Variants in PCSK2 observed in about 807,000 individuals in gnomAD.
PCSK2 encodes neuroendocrine convertase 2.
A neutral mutation model predicts 69.7 loss-of-function variants in PCSK2; 14 were observed. The ratio of observed to expected loss-of-function variants is 0.20; its 90% CI spans 0.13 to 0.31. PCSK2 has a LOEUF of 0.31. PCSK2 is among the 10% of genes least tolerant of loss of function. The probability of loss-of-function intolerance (pLI) is 1.00; values close to 1 mark genes in which losing one functional copy is unlikely to be tolerated. For missense variants in PCSK2, 544 were observed against 842.5 expected (o/e 0.65, Z 4.39); for synonymous variants, 307 against 320.7 (o/e 0.96, Z 0.46).
chr20:17,425,795 T>C (rs868701878), intron 6 of PCSK2, among the ~76,000 whole-genome samples: 1 of 152,134 alleles, frequency 6.6e-6, no homozygotes, highest in Non-Finnish European at 1.5e-5. Flanking sequence ...TCCTGGGCTT[T>C]TTTGCATCAA....
At chr20:17,229,036 C>G (rs988014329) in intron 1 of PCSK2, among the ~76,000 whole-genome samples, 1 of 152,092 alleles carries the variant, frequency 6.6e-6, no homozygotes, top group Non-Finnish European at 1.5e-5. Flanking sequence ...CACTCCCCCC[C>G]ACCCCAAACT....
chr20:17,392,028 C>G (rs2031394898), intron 5 of PCSK2, among the ~76,000 whole-genome samples: 1 of 151,984 alleles, frequency 6.6e-6, no homozygotes, highest in South Asian at 2.1e-4. Flanking sequence ...GAGAAGCCAT[C>G]CTGTCAAGGA....
intron 5 of PCSK2, among the ~76,000 whole-genome samples, chr20:17,401,556 G>A (rs2031637920): frequency 1.3e-5 from 2 of 152,180 alleles, no homozygotes; most frequent in Non-Finnish European, 2.9e-5. Flanking sequence ...CCAACATTCA[G>A]ACTATGGCAC....
intron 1 of PCSK2, among the ~76,000 whole-genome samples, chr20:17,240,644 A>G (rs958715657): frequency 6.6e-6 from 1 of 152,222 alleles, no homozygotes; most frequent in Admixed American, 6.5e-5. Flanking sequence ...GTCAGAGGCT[A>G]GAAAGAAACA....
chr20:17,276,824 G>A (rs1477570800), intron 2 of PCSK2, among the ~76,000 whole-genome samples: 6 of 152,056 alleles, frequency 3.9e-5, no homozygotes, highest in African/African-American at 7.2e-5. Flanking sequence ...AAACCCCATC[G>A]TCTCAGCCCA....
intron 2 of PCSK2, among the ~76,000 whole-genome samples, chr20:17,278,728 T>A (rs536987516): frequency 3.9e-5 from 6 of 152,012 alleles, no homozygotes; most frequent in Admixed American, 2.0e-4. Flanking sequence ...AATAATGATA[T>A]AAATAAATAG....
intron 5 of PCSK2, among the ~76,000 whole-genome samples, chr20:17,400,803 A>G (rs745580242): frequency 2.8e-4 from 43 of 152,086 alleles, no homozygotes; most frequent in Non-Finnish European, 6.2e-4. Context: ...TTTGCTTAAC[A>G]ACATTTCTTG....
chr20:17,227,506 A>G (rs773016857), intron 1 of PCSK2, 24 bp downstream of exon 1: 4 of 1,593,166 alleles, frequency 2.5e-6, no homozygotes, highest in South Asian at 2.2e-5. Context: ...TGCATTTCGC[A>G]TGTTGTTTCA....
Position 17,246,381 on chromosome 20 carries a change from T to C in PCSK2, c.178-13859T>C, listed in dbSNP as rs558295534. On this transcript the variant is annotated intron_variant, in intron 1 of 11. Coordinates refer to ENST00000262545, the MANE Select transcript of PCSK2 (RefSeq NM_002594.5). ...TGGGTTGGAGCGGCTCTATTAGAAT[T>C]GACTGGGGATATTCAGTTGGAGGTT... Among the ~76,000 whole-genome samples, 9 of 152,296 alleles carry C rather than the reference T, an allele frequency of 5.9e-5. No individual in the cohort carries two copies. The East Asian group carries it at 1.7e-3, about 29-fold the overall frequency.
At chr20:17,303,516 A>T (rs367628910) in intron 2 of PCSK2, among the ~76,000 whole-genome samples, 596 of 27,510 alleles carry the variant, frequency 0.022, 44 homozygotes, top group African/African-American at 0.046. Flanking sequence ...TATTATATAT[A>T]ATATAATATA....
chr20:17,296,858 G>A (rs1988911940), intron 2 of PCSK2, among the ~76,000 whole-genome samples: 1 of 152,168 alleles, frequency 6.6e-6, no homozygotes, highest in Admixed American at 6.5e-5. Context: ...GTAAGATAAT[G>A]TATGTCTAAA....
chr20:17,331,721 G>A (rs1381616348), intron 2 of PCSK2, among the ~76,000 whole-genome samples: 1 of 151,542 alleles, frequency 6.6e-6, no homozygotes, highest in Non-Finnish European at 1.5e-5. Flanking sequence ...CAGCAATGGT[G>A]GTTCATAATC....
At chr20:17,295,530 T>G (rs934361601) in intron 2 of PCSK2, among the ~76,000 whole-genome samples, 1 of 108,320 alleles carries the variant, frequency 9.2e-6, no homozygotes, top group African/African-American at 3.2e-5. Flanking sequence ...TTTATATATA[T>G]TTATTTATTT....
chr20:17,372,269 C>G (rs2030790896), intron 5 of PCSK2, among the ~76,000 whole-genome samples: 1 of 152,066 alleles, frequency 6.6e-6, no homozygotes, highest in Admixed American at 6.5e-5. Context: ...GTCCCAGATA[C>G]TCAGGAGGCT....
intron 7 of PCSK2, among the ~76,000 whole-genome samples, chr20:17,434,325 G>A (rs1013555124): frequency 4.8e-4 from 73 of 152,058 alleles, no homozygotes; most frequent in Non-Finnish European, 4.4e-5. Flanking sequence ...AGGGGCAGAG[G>A]AGAGGCCTTC....
At chr20:17,384,459 G>A (rs559034012) in intron 5 of PCSK2, among the ~76,000 whole-genome samples, 21 of 149,530 alleles carry the variant, frequency 1.4e-4, no homozygotes, top group South Asian at 2.1e-4. Context: ...AAAATTAGCC[G>A]GGCATGGTGT....
chr20:17,483,792 A>C lies in PCSK2; in HGVS notation c.*1722A>C, dbSNP rs1302887211. The C allele has an allele frequency of 1.3e-5, 2 of 152,654 alleles. No homozygotes were observed. The highest frequency in any genetic ancestry group is 4.8e-5 in the African/African-American group (2 of 41,464). The allele number at this position is 152,654 out of a possible 1,614,324, so 9.5% of individuals were successfully genotyped here. A position where few individuals can be genotyped will look rare whatever the true frequency, so the allele number is the denominator to read the frequency against. The stretch of plus-strand genomic sequence containing the variant: ...TGCAAAGGTCTTTTTAAACCAGTTT[A>C]GATTTCAAGAAAAAATAAATGGAAA... On this transcript the variant is annotated 3_prime_UTR_variant, in exon 12 of 12. Coordinates refer to ENST00000262545, the MANE Select transcript of PCSK2 (RefSeq NM_002594.5).
chr20:17,327,796 A>G (rs1233375590), intron 2 of PCSK2, among the ~76,000 whole-genome samples: 1 of 152,180 alleles, frequency 6.6e-6, no homozygotes, highest in South Asian at 2.1e-4. Flanking sequence ...CTATTAATGC[A>G]TGGGAAAGAG....
chr20:17,480,582 C>A (rs2033382499), intron 11 of PCSK2, among the ~76,000 whole-genome samples: 1 of 152,184 alleles, frequency 6.6e-6, no homozygotes, highest in South Asian at 2.1e-4. Context: ...ATTATGAGTT[C>A]CTGCCTCAGT....
Sources: allele counts gnomAD v4.1 joint callset (sites outside exome capture counted in the v4.1 genomes callset), GRCh38; gene constraint gnomAD v4.1.1; transcripts MANE v1.5; gene names NCBI Gene and HGNC (gene_info 2026-07-23, HGNC 2026-07-21).